DNA2: variants seen among roughly 807,000 people sequenced by gnomAD.
DNA2 encodes DNA replication ATP-dependent helicase/nuclease DNA2.
In DNA2, 101 loss-of-function variants were observed where a neutral mutation model predicts 119.1. The ratio of observed to expected loss-of-function variants is 0.85; its 90% CI spans 0.72 to 1.00. The LOEUF (loss-of-function observed/expected upper bound fraction) is 1.00. Ranked by LOEUF, DNA2 falls within the 50% of genes least tolerant of loss-of-function variation. The pLI is 0.00. For missense variants in DNA2, 1,121 were observed against 1,255.5 expected (o/e 0.89, Z 1.62); for synonymous variants, 366 against 424.4 (o/e 0.86, Z 1.69).
At position 68,414,920 on chromosome 10, in the gene DNA2, A is replaced by T; in HGVS notation, c.*119T>A. ...ATTCAGACTTTTCACAGTTTTCGGT[A>T]CACCTGTGCTTTAAAACATAAATAC... is the stretch of plus-strand genomic sequence containing the variant. On this transcript the variant is annotated 3_prime_UTR_variant, in exon 21 of 21. Coordinates refer to ENST00000358410, the MANE Select transcript of DNA2 (RefSeq NM_001080449.3). 1 of 584,748 alleles carries T rather than the reference A, an allele frequency of 1.7e-6. No individual in the cohort carries two copies. Among genetic ancestry groups the T allele is most frequent in the Non-Finnish European group, 2.9e-6 (1 of 347,042 alleles). The allele number at this position is 584,748 out of a possible 1,614,324, so 36.2% of individuals were successfully genotyped here. A position where few individuals can be genotyped will look rare whatever the true frequency, so the allele number is the denominator to read the frequency against.
intron 10 of DNA2, among the ~76,000 whole-genome samples, chr10:68,435,841 T>C (rs1270794257): frequency 1.3e-5 from 2 of 152,172 alleles, no homozygotes; most frequent in African/African-American, 4.8e-5. Flanking sequence ...ATAAACATTT[T>C]TATTTAAAAA....
At position 68,432,512 on chromosome 10, in the gene DNA2, T is replaced by C. The variant is rs759398063; in HGVS notation, c.1647-2A>G. ...GATTCTGGAAGGACCGACAAGTTTC[T>C]AAAACAACAAAACAAATATACATGA... On this transcript the variant is annotated splice_acceptor_variant, in intron 10 of 20. Coordinates refer to ENST00000358410, the MANE Select transcript of DNA2 (RefSeq NM_001080449.3). LOFTEE classifies it high-confidence loss of function. 1 of 1,497,764 alleles carries C rather than the reference T, an allele frequency of 6.7e-7. No homozygotes were observed. The highest frequency in any genetic ancestry group is 1.2e-5 in the South Asian group (1 of 81,068). 92.8% of individuals were successfully genotyped at this position (1,497,764 alleles called of 1,614,324 possible).
At chr10:68,431,164 C>T (rs2051814699) in intron 13 of DNA2, among the ~76,000 whole-genome samples, 1 of 139,338 alleles carries the variant, frequency 7.2e-6, no homozygotes, top group South Asian at 2.3e-4. Flanking sequence ...GCTAGGATTA[C>T]AGGCATGATC....
chr10:68,451,084 A>G (rs1405503243), intron 5 of DNA2, among the ~76,000 whole-genome samples: 1 of 150,088 alleles, frequency 6.7e-6, no homozygotes, highest in African/African-American at 2.5e-5. Flanking sequence ...TGAGTGACAG[A>G]ACAAGACTGT....
chr10:68,453,377 C>A (rs142169248), intron 5 of DNA2, among the ~76,000 whole-genome samples: 1 of 152,202 alleles, frequency 6.6e-6, no homozygotes, highest in African/African-American at 2.4e-5. Flanking sequence ...TTTAGATATC[C>A]TTTTAAGTTC....
chr10:68,466,783 G>C (rs964970626), intron 3 of DNA2, among the ~76,000 whole-genome samples: 1 of 152,118 alleles, frequency 6.6e-6, no homozygotes, highest in Non-Finnish European at 1.5e-5. Flanking sequence ...GTTTGACCAT[G>C]TCAGCCAGGA....
At position 68,468,127 on chromosome 10, in the gene DNA2, A is replaced by C. The variant is rs1455412261; in HGVS notation, c.437T>G (p.Phe146Cys). The stretch of plus-strand genomic sequence containing the variant: ...TTAACTGTTACTATTATTTACCCTA[A>C]AAGTTTCACTCAGGACAGCTCTTCT... Reference protein sequence around the residue: ...CMRRAVLSETFRSSDPATRQM... With the variant: ...CMRRAVLSETCRSSDPATRQM... The change falls in exon 3 of 21, where the codon TTT (phenylalanine) becomes TGT (cysteine). Residue 146 changes from phenylalanine to cysteine, a missense_variant. Phe to Cys is a radical substitution (Grantham distance 205). Coordinates refer to ENST00000358410, the MANE Select transcript of DNA2 (RefSeq NM_001080449.3). The C allele has an allele frequency of 6.4e-6, 10 of 1,567,354 alleles. No individual in the cohort carries two copies. The highest frequency in any genetic ancestry group is 8.6e-6 in the Non-Finnish European group (10 of 1,158,078).
At position 68,442,976 on chromosome 10, in the gene DNA2, T is replaced by C. The variant is rs1479547479; in HGVS notation, c.1356A>G (p.Ser452=). 24 of 1,612,430 alleles carry C rather than the reference T, an allele frequency of 1.5e-5. No homozygotes were observed. The highest frequency in any genetic ancestry group is 2.0e-5 in the Non-Finnish European group (24 of 1,179,438). Residue 452 remains serine (S), a synonymous_variant, in exon 9 of 21, where the codon TCA becomes TCG. Coordinates refer to ENST00000358410, the MANE Select transcript of DNA2 (RefSeq NM_001080449.3). ...GATTCTTTTTATTATCCTTCGATTG[T>C]GACTCCAGGGTTAACATTAGACACC... ...SLWCLMLTLE[S]QSKDNKKNHQ...
chr10:68,455,800 G>A (rs979147462), intron 5 of DNA2, among the ~76,000 whole-genome samples: 5 of 151,726 alleles, frequency 3.3e-5, no homozygotes, highest in African/African-American at 7.3e-5. Flanking sequence ...CAGCCTGAGC[G>A]ACAGAGCGAG....
intron 3 of DNA2, 145 bp downstream of exon 3, chr10:68,467,978 C>A: frequency 1.7e-6 from 1 of 586,758 alleles, no homozygotes; most frequent in Non-Finnish European, 2.6e-6. Context: ...CCTCTCTGAG[C>A]CCATTTTCCT....
At chr10:68,424,231 C>G (rs2051704504) in intron 14 of DNA2, among the ~76,000 whole-genome samples, 2 of 152,134 alleles carry the variant, frequency 1.3e-5, no homozygotes, top group African/African-American at 4.8e-5. Context: ...GGGCCAGGTA[C>G]AGTGGCTCAC....
chr10:68,430,275 G>T (rs1237501019), intron 14 of DNA2, among the ~76,000 whole-genome samples, 161 bp downstream of exon 14: 1 of 152,106 alleles, frequency 6.6e-6, no homozygotes, highest in African/African-American at 2.4e-5. Flanking sequence ...AGATCAGAAG[G>T]AAATAGCAAA....
chr10:68,428,392 G>C (rs2133373142), intron 14 of DNA2, among the ~76,000 whole-genome samples: 1 of 151,762 alleles, frequency 6.6e-6, no homozygotes, highest in Non-Finnish European at 1.5e-5. Flanking sequence ...AAATGTTCCT[G>C]CTTAGAAAAA....
intron 14 of DNA2, chr10:68,424,979 T>C (rs1237771876): frequency 9.9e-6 from 6 of 607,848 alleles, no homozygotes; most frequent in Non-Finnish European, 1.8e-5. Context: ...AGGAACTTAT[T>C]GAGAAAATGC....
At chr10:68,432,350 T>G in intron 11 of DNA2, 35 bp from the exon 12 acceptor site, 2 of 1,564,988 alleles carry the variant, frequency 1.3e-6, no homozygotes, top group Non-Finnish European at 1.7e-6. Flanking sequence ...GTAATATTCC[T>G]TAGAAAAGTG....
At chr10:68,446,979 T>C (rs957602645) in intron 6 of DNA2, among the ~76,000 whole-genome samples, 1 of 152,134 alleles carries the variant, frequency 6.6e-6, no homozygotes, top group Admixed American at 6.6e-5. Flanking sequence ...TAGCTGTGCA[T>C]TTTAAAATCA....
chr10:68,416,658 TACTC>T (rs747554628), intron 20 of DNA2, 47 bp downstream of exon 20: 91 of 1,536,532 alleles, frequency 5.9e-5, no homozygotes, highest in Admixed American at 1.9e-4. Flanking sequence ...AGCAAATAAA[TACTC>T]ACAACAGTGC....
chr10:68,446,867 G>C (rs1260281002), intron 6 of DNA2, among the ~76,000 whole-genome samples: 1 of 152,036 alleles, frequency 6.6e-6, no homozygotes, highest in East Asian at 1.9e-4. Flanking sequence ...GGTGCGGGGG[G>C]AGAAGTGGGG....
At chr10:68,420,572 A>G (rs770485913) in intron 17 of DNA2, among the ~76,000 whole-genome samples, 4 of 152,036 alleles carry the variant, frequency 2.6e-5, no homozygotes, top group Non-Finnish European at 5.9e-5. Context: ...TGGGTCGTAT[A>G]TCTGTGCTCT....
Sources: gnomAD v4.1 joint callset for allele counts (sites outside exome capture counted in the v4.1 genomes callset) on GRCh38, gnomAD v4.1.1 for gene constraint, MANE v1.5 for transcripts, NCBI Gene and HGNC (gene_info 2026-07-23, HGNC 2026-07-21) for gene names.